Variants in ALKBH5 observed in about 807,000 individuals in gnomAD.
ALKBH5 encodes the protein RNA demethylase ALKBH5.
A neutral mutation model predicts 32.1 loss-of-function variants in ALKBH5; 2 were observed. The observed-to-expected ratio is 0.06, with a 90% confidence interval of 0.03 to 0.20. The LOEUF is 0.20. ALKBH5 is among the 10% of genes least tolerant of loss of function. ALKBH5 has a pLI of 1.00. For synonymous variants in ALKBH5, 300 were observed against 231.7 expected, an observed-to-expected ratio of 1.29 and a Z score of -2.68; for missense variants, 352 against 559.5, an observed-to-expected ratio of 0.63 and a Z score of 3.74.
At chr17:18,194,704 A>G (rs4925145) in intron 1 of ALKBH5, among the ~76,000 whole-genome samples, 129,281 of 152,122 alleles carry the variant, frequency 0.85, 55,605 homozygotes, top group Middle Eastern at 0.95. Context: ...TCTTGCTTCC[A>G]GCCTCTGCCT....
At chr17:18,197,337 C>T (rs1254689499) in intron 2 of ALKBH5, among the ~76,000 whole-genome samples, 1 of 152,186 alleles carries the variant, frequency 6.6e-6, no homozygotes, top group East Asian at 1.9e-4. Flanking sequence ...GGCAAGAACT[C>T]GGAAACAATG....
At chr17:18,201,775 A>AGG (rs2047238062) in intron 2 of ALKBH5, among the ~76,000 whole-genome samples, 29 of 141,770 alleles carry the variant, frequency 2.0e-4, no homozygotes, top group African/African-American at 6.9e-4. Context: ...AGATAGATAG[A>AGG]TAGATAGATA....
At chr17:18,191,964 G>T (rs2047177792) in intron 1 of ALKBH5, among the ~76,000 whole-genome samples, 1 of 116,492 alleles carries the variant, frequency 8.6e-6, no homozygotes, top group Non-Finnish European at 1.9e-5. Context: ...AAAAAAAAAA[G>T]TGCCTTTGAG....
At position 18,184,379 on chromosome 17, in the gene ALKBH5, G is replaced by A. The variant is rs1016527303; in HGVS notation, c.136G>A (p.Ala46Thr). The A allele has an allele frequency of 3.3e-6, 5 of 1,518,408 alleles. No homozygotes were observed. The highest frequency in any genetic ancestry group is 3.5e-6 in the Non-Finnish European group (4 of 1,136,208). 94.1% of individuals were successfully genotyped at this position (1,518,408 alleles called of 1,614,324 possible). The change falls in exon 1 of 4, where the codon GCT (alanine) becomes ACT (threonine). Residue 46 changes from alanine to threonine, a missense_variant. Ala to Thr is a moderately conservative substitution (Grantham distance 58, BLOSUM62 0). Coordinates refer to ENST00000399138, the MANE Select transcript of ALKBH5 (RefSeq NM_017758.4). ...CGTAGCCGCCGCAGCCGCAGCCGCC[G>A]CTGCCGCCGAACCTTACCCTGTGTC... ...AAVAAAAAAA[A>T]AAEPYPVSGA...
chr17:18,184,202 C>G lies in ALKBH5; in HGVS notation c.-42C>G. The G allele has an allele frequency of 6.9e-7, 1 of 1,455,944 alleles. No homozygotes were observed. The highest frequency in any genetic ancestry group is 9.0e-7 in the Non-Finnish European group (1 of 1,109,490). The allele number at this position is 1,455,944 out of a possible 1,614,324, so 90.2% of individuals were successfully genotyped here. ...TCCCCTTAGAGCCATGCCCGGCTGC[C>G]CCGCCCGCCCCGGAGGACCCTAGAG... On this transcript the variant is annotated 5_prime_UTR_variant, in exon 1 of 4. Coordinates refer to ENST00000399138, the MANE Select transcript of ALKBH5 (RefSeq NM_017758.4).
At chr17:18,197,951 C>G (rs1009754911) in intron 2 of ALKBH5, among the ~76,000 whole-genome samples, 1 of 152,158 alleles carries the variant, frequency 6.6e-6, no homozygotes, top group Non-Finnish European at 1.5e-5. Context: ...TCTAAAGTAT[C>G]TGCAGCTCCT....
intron 2 of ALKBH5, among the ~76,000 whole-genome samples, chr17:18,203,913 A>C (rs922063379): frequency 2.6e-5 from 4 of 152,128 alleles, no homozygotes. Flanking sequence ...CATTCACCCG[A>C]AGAAACAACT....
intron 1 of ALKBH5, among the ~76,000 whole-genome samples, chr17:18,187,700 T>G (rs2047147853): frequency 6.6e-6 from 1 of 152,178 alleles, no homozygotes; most frequent in Non-Finnish European, 1.5e-5. Flanking sequence ...CTATTAGTAG[T>G]GCCCGTCGTC....
At chr17:18,201,546 G>A (rs768159312) in intron 2 of ALKBH5, among the ~76,000 whole-genome samples, 75 of 151,950 alleles carry the variant, frequency 4.9e-4, no homozygotes, top group Non-Finnish European at 8.5e-4. Context: ...TTGCCTGAGC[G>A]CGGGAGTTTG....
At chr17:18,190,032 T>A (rs1255785179) in intron 1 of ALKBH5, among the ~76,000 whole-genome samples, 2 of 152,182 alleles carry the variant, frequency 1.3e-5, no homozygotes, top group East Asian at 3.9e-4. Context: ...AAGCCTGACC[T>A]TCTTGGTCCT....
In ALKBH5 at chr17:18,183,993, C is replaced by G; in HGVS notation, c.-251C>G. 1 of 654,242 alleles carries G rather than the reference C, an allele frequency of 1.5e-6. No individual in the cohort carries two copies. Among genetic ancestry groups the G allele is most frequent in the South Asian group, 1.5e-5 (1 of 65,028 alleles). 40.5% of individuals were successfully genotyped at this position (654,242 alleles called of 1,614,324 possible). A position where few individuals can be genotyped will look rare whatever the true frequency, so the allele number is the denominator to read the frequency against. ...GCGGCATGAGGCGCTGCCGGCGCCC[C>G]TGCCCCGCGGGACGTGGAGAAGGTG... is the stretch of plus-strand genomic sequence containing the variant. On this transcript the variant is annotated 5_prime_UTR_variant, in exon 1 of 4. Transcript: ENST00000399138.
intron 2 of ALKBH5, among the ~76,000 whole-genome samples, chr17:18,202,188 C>T (rs1374274911): frequency 1.3e-5 from 2 of 151,388 alleles, no homozygotes; most frequent in Non-Finnish European, 2.9e-5. Context: ...AGGCGCCTGT[C>T]GTTGCAGCTA....
chr17:18,184,072 G>T lies in ALKBH5; in HGVS notation c.-172G>T. The T allele has an allele frequency of 1.5e-6, 1 of 686,750 alleles. No individual in the cohort carries two copies. Among genetic ancestry groups the T allele is most frequent in the Non-Finnish European group, 2.6e-6 (1 of 384,586 alleles). 42.5% of individuals were successfully genotyped at this position (686,750 alleles called of 1,614,324 possible). On this transcript the variant is annotated 5_prime_UTR_variant, in exon 1 of 4. Coordinates refer to ENST00000399138, the MANE Select transcript of ALKBH5 (RefSeq NM_017758.4). ...CGTTGCATGACCCGCCGCTCCTGAG[G>T]CCCTACCCCACGCCCGGACCCTCGA...
chr17:18,197,535 T>C (rs2142480373), intron 2 of ALKBH5, among the ~76,000 whole-genome samples: 1 of 152,340 alleles, frequency 6.6e-6, no homozygotes, highest in Middle Eastern at 3.4e-3. Flanking sequence ...CCATAATAGC[T>C]TATTTTGGGG....
intron 3 of ALKBH5, among the ~76,000 whole-genome samples, chr17:18,207,868 G>A (rs1386751307): frequency 6.6e-6 from 1 of 152,112 alleles, no homozygotes; most frequent in East Asian, 1.9e-4. Flanking sequence ...GGAGGCCCAA[G>A]AGAGAGAAAG....
intron 2 of ALKBH5, among the ~76,000 whole-genome samples, chr17:18,203,143 T>G (rs1374257469): frequency 6.6e-6 from 1 of 151,176 alleles, no homozygotes; most frequent in Non-Finnish European, 1.5e-5. Context: ...GGTCTGAAAC[T>G]CCTGGCTTTT....
At position 18,184,133 on chromosome 17, in the gene ALKBH5, T is replaced by G; in HGVS notation, c.-111T>G. On this transcript the variant is annotated 5_prime_UTR_variant, in exon 1 of 4. Transcript: ENST00000399138. ...CGGGTCCCCCACTCACGCATGGGGG[T>G]TCGGCGCTAAGGACCCCCCTCCCTC... is the stretch of plus-strand genomic sequence containing the variant. 1 of 975,030 alleles carries G rather than the reference T, an allele frequency of 1.0e-6. No homozygotes were observed. Among genetic ancestry groups the G allele is most frequent in the Non-Finnish European group, 1.5e-6 (1 of 662,864 alleles). The allele number at this position is 975,030 out of a possible 1,614,324, so 60.4% of individuals were successfully genotyped here.
intron 1 of ALKBH5, among the ~76,000 whole-genome samples, chr17:18,192,234 T>C (rs2047180243): frequency 1.3e-5 from 2 of 152,076 alleles, no homozygotes; most frequent in African/African-American, 4.8e-5. Context: ...TTTGTCAGAG[T>C]GCTTAGTAAA....
intron 3 of ALKBH5, 46 bp from the exon 4 acceptor site, chr17:18,208,173 C>T (rs765024578): frequency 3.2e-6 from 5 of 1,560,120 alleles, no homozygotes; most frequent in Non-Finnish European, 3.5e-6. Flanking sequence ...AGCCAGGCGC[C>T]TCCTGCCAGC....
Sources: gnomAD v4.1 joint callset for allele counts (sites outside exome capture counted in the v4.1 genomes callset) on GRCh38, gnomAD v4.1.1 for gene constraint, MANE v1.5 for transcripts, NCBI Gene and HGNC (gene_info 2026-07-23, HGNC 2026-07-21) for gene names.